LRRC4C: variants seen among roughly 807,000 people sequenced by gnomAD.
The protein encoded by LRRC4C is leucine-rich repeat-containing protein 4C.
Under a neutral mutation model 33.6 loss-of-function variants are expected in LRRC4C, and 5 were observed. The ratio of observed to expected loss-of-function variants is 0.15; its 90% CI spans 0.08 to 0.31. LRRC4C has a LOEUF of 0.31. Ranked by LOEUF, LRRC4C falls within the 10% of genes least tolerant of loss-of-function variation. LRRC4C has a pLI of 1.00. For synonymous variants in LRRC4C, 329 were observed against 302.0 expected, an observed-to-expected ratio of 1.09 and a Z score of -0.93; for missense variants, 560 against 796.7, an observed-to-expected ratio of 0.70 and a Z score of 3.58.
intron 1 of LRRC4C, among the ~76,000 whole-genome samples, chr11:41,155,826 A>C (rs528554413): frequency 2.2e-4 from 33 of 152,180 alleles, no homozygotes; most frequent in Non-Finnish European, 4.0e-4. Flanking sequence ...TTCAGACAAT[A>C]ATTTAAACAT....
At chr11:41,396,798 TGAA>T (rs1390943159) in intron 1 of LRRC4C, among the ~76,000 whole-genome samples, 1 of 151,908 alleles carries the variant, frequency 6.6e-6, no homozygotes, top group Non-Finnish European at 1.5e-5. Context: ...GATTTCATGA[TGAA>T]GACACCAAAA....
At chr11:41,068,788 A>T (rs189395426) in intron 1 of LRRC4C, among the ~76,000 whole-genome samples, 1 of 152,112 alleles carries the variant, frequency 6.6e-6, no homozygotes, top group African/African-American at 2.4e-5. Flanking sequence ...CAAAAAACAA[A>T]CAAAAAAAAT....
At position 40,607,615 on chromosome 11, in the gene LRRC4C, C is replaced by G. The variant is rs142993186; in HGVS notation, c.-270+40527G>C. On this transcript the variant is annotated intron_variant, in intron 3 of 6. Transcript: ENST00000528697. The stretch of plus-strand genomic sequence containing the variant: ...GAAAGATCACCTTCCCACTCCATCT[C>G]CCTTTTGGCTCCCATCCATCTGCTG... 4.5e-3 allele frequency among the ~76,000 whole-genome samples: 689 copies of G among 152,254 alleles called. 6 individuals carry two copies. Among genetic ancestry groups the G allele is most frequent in the African/African-American group, 0.016 (664 of 41,548 alleles).
intron 2 of LRRC4C, among the ~76,000 whole-genome samples, chr11:40,805,657 T>G (rs994172911): frequency 2.0e-5 from 3 of 152,150 alleles, no homozygotes. Flanking sequence ...CCAAGTCTCT[T>G]GTTGACACTA....
At position 40,712,729 on chromosome 11, in the gene LRRC4C, G is replaced by A. The variant is rs1946528138; in HGVS notation, c.-406-64451C>T. Reference sequence around the variant, plus strand: ...TAAAAAACCTTTACAAAGAGATTTTGGTTTGCACCAGAAACATACCAGACT... The same window carrying A: ...TAAAAAACCTTTACAAAGAGATTTTAGTTTGCACCAGAAACATACCAGACT... On this transcript the variant is annotated intron_variant, in intron 2 of 6. Coordinates refer to ENST00000528697, the MANE Select transcript of LRRC4C (RefSeq NM_001258419.2). Among the ~76,000 whole-genome samples, 4 of 152,086 alleles carry A rather than the reference G, an allele frequency of 2.6e-5. 1 individual carries two copies. The South Asian group carries it at 8.3e-4, about 31-fold the overall frequency.
intron 1 of LRRC4C, among the ~76,000 whole-genome samples, chr11:41,387,157 C>T (rs1565632101): frequency 6.6e-6 from 1 of 151,510 alleles, no homozygotes; most frequent in African/African-American, 2.4e-5. Context: ...CTTTTTTTCT[C>T]CTGTAGATAA....
chr11:40,340,921 G>A (rs755875195), intron 3 of LRRC4C, among the ~76,000 whole-genome samples: 58 of 152,072 alleles, frequency 3.8e-4, no homozygotes, highest in Non-Finnish European at 1.5e-4. Flanking sequence ...AGGTTTGAAG[G>A]TCAGCATTCT....
intron 1 of LRRC4C, among the ~76,000 whole-genome samples, chr11:40,951,702 G>A (rs1958698089): frequency 6.6e-6 from 1 of 151,916 alleles, no homozygotes; most frequent in South Asian, 2.1e-4. Flanking sequence ...TCATTAAATG[G>A]TGATGATTCT....
chr11:40,955,800 CTCT>C (rs10590695), intron 1 of LRRC4C, among the ~76,000 whole-genome samples: 2,312 of 151,928 alleles, frequency 0.015, 61 homozygotes, highest in African/African-American at 0.053. Context: ...ACTCAGAAAG[CTCT>C]TCATTTTATT....
chr11:41,142,663 T>C (rs10837583), intron 1 of LRRC4C, among the ~76,000 whole-genome samples: 20,935 of 152,080 alleles, frequency 0.14, 1,520 homozygotes, highest in Middle Eastern at 0.16. Flanking sequence ...TATTGATGGG[T>C]ATTCATGTTA....
chr11:40,480,875 A>T (rs1020621498), intron 3 of LRRC4C, among the ~76,000 whole-genome samples: 3 of 151,994 alleles, frequency 2.0e-5, no homozygotes, highest in Non-Finnish European at 4.4e-5. Context: ...GGGGAATCTA[A>T]AAAGGCAAAC....
At chr11:40,812,705 A>G (rs1330914322) in intron 2 of LRRC4C, among the ~76,000 whole-genome samples, 1 of 151,840 alleles carries the variant, frequency 6.6e-6, no homozygotes, top group Non-Finnish European at 1.5e-5. Flanking sequence ...ACATCCCAGT[A>G]TAGAATTTAA....
intron 3 of LRRC4C, among the ~76,000 whole-genome samples, chr11:40,497,595 C>T (rs915228378): frequency 6.6e-6 from 1 of 152,062 alleles, no homozygotes; most frequent in Non-Finnish European, 1.5e-5. Flanking sequence ...AGAAATGTGA[C>T]CATGCTACAC....
intron 3 of LRRC4C, among the ~76,000 whole-genome samples, chr11:40,355,953 T>TGTATTGTATAGTATA (rs1555029958): frequency 1.6e-5 from 2 of 121,488 alleles, no homozygotes; most frequent in African/African-American, 5.7e-5. Context: ...AGTATAGTAT[T>TGTATTGTATAGTATA]GTATAGTATA....
chr11:41,309,274 T>G (rs919696692), intron 1 of LRRC4C, among the ~76,000 whole-genome samples: 1 of 152,120 alleles, frequency 6.6e-6, no homozygotes, highest in African/African-American at 2.4e-5. Flanking sequence ...TCTGGTGAAC[T>G]TGAATGGGGA....
At chr11:40,283,497 ACTTAAT>A (rs1172246453) in intron 4 of LRRC4C, among the ~76,000 whole-genome samples, 1 of 152,026 alleles carries the variant, frequency 6.6e-6, no homozygotes, top group Non-Finnish European at 1.5e-5. Context: ...AAATAATAAA[ACTTAAT>A]CTTAACAATA....
intron 4 of LRRC4C, among the ~76,000 whole-genome samples, chr11:40,263,755 G>A (rs993984309): frequency 6.6e-6 from 1 of 152,194 alleles, no homozygotes; most frequent in Non-Finnish European, 1.5e-5. Flanking sequence ...AATTCTGGAT[G>A]ACAGAATGTG....
At chr11:40,487,789 C>T (rs1953941837) in intron 3 of LRRC4C, among the ~76,000 whole-genome samples, 1 of 151,998 alleles carries the variant, frequency 6.6e-6, no homozygotes, top group African/African-American at 2.4e-5. Flanking sequence ...GTATTAAGCT[C>T]CTGAGTGCAA....
intron 2 of LRRC4C, among the ~76,000 whole-genome samples, chr11:40,777,714 G>A (rs544883532): frequency 2.6e-5 from 4 of 151,164 alleles, no homozygotes; most frequent in South Asian, 4.2e-4. Context: ...TTGAGATGGA[G>A]TCTTTCTCTG....
Sources: gnomAD v4.1 joint callset for allele counts (sites outside exome capture counted in the v4.1 genomes callset) on GRCh38, gnomAD v4.1.1 for gene constraint, MANE v1.5 for transcripts, NCBI Gene and HGNC (gene_info 2026-07-23, HGNC 2026-07-21) for gene names.